Variants in MACF1 observed in about 807,000 individuals in gnomAD.
MACF1 encodes microtubule actin crosslinking factor 1, also known as microtubule-actin cross-linking factor 1.
MACF1 carries 193 observed loss-of-function variants against 854.8 expected under a neutral mutation model. That is an observed-to-expected ratio of 0.23 (90% CI 0.20 to 0.25). The LOEUF (loss-of-function observed/expected upper bound fraction) is 0.25, where lower values mean the gene tolerates loss of function less well. Among genes scored for constraint, MACF1 ranks in the 10% least tolerant of loss-of-function variants. MACF1 has a pLI of 1.00. For synonymous variants in MACF1, 3,185 were observed against 3,226.7 expected, an observed-to-expected ratio of 0.99 and a Z score of 0.44; for missense variants, 7,722 against 8,929.1, an observed-to-expected ratio of 0.86 and a Z score of 5.45.
At position 39,370,053 on chromosome 1, in the gene MACF1, A is replaced by G. The variant is rs754964605; in HGVS notation, c.12962A>G (p.Gln4321Arg). 1.9e-6 allele frequency: 3 copies of G among 1,613,262 alleles called. No homozygotes were observed. Among genetic ancestry groups the G allele is most frequent in the Non-Finnish European group, 2.5e-6 (3 of 1,179,742 alleles). The change falls in exon 51 of 101, where the codon CAG (glutamine) becomes CGG (arginine). Residue 4321 changes from glutamine to arginine, a missense_variant. Gln to Arg is a conservative substitution (Grantham distance 43). Around this residue, in one of 15 missense-constraint regions of MACF1, gnomAD observed 2,807 missense variants for 3,235.8 expected, o/e 0.87. Transcript: ENST00000564288. ...AGAGAGAAAGATGCATCATCTTGCC[A>G]GGAACAGTTGGATGAATTCCGGAAG... ...KEREKDASSC[Q>R]EQLDEFRKLV...
At chr1:39,355,460 C>CTTT (rs56202498) in intron 44 of MACF1, among the ~76,000 whole-genome samples, 1,511 of 81,166 alleles carry the variant, frequency 0.019, 7 homozygotes, top group Non-Finnish European at 0.025. Context: ...TTTTCTTCTG[C>CTTT]TTTTTTTTTT....
At chr1:39,288,375 G>A (rs1645691761) in intron 15 of MACF1, among the ~76,000 whole-genome samples, 1 of 152,020 alleles carries the variant, frequency 6.6e-6, no homozygotes, top group Admixed American at 6.6e-5. Flanking sequence ...GTGGGCGCCT[G>A]TAGTCCCAGC....
chr1:39,346,154 G>A (rs1252867098), intron 40 of MACF1, among the ~76,000 whole-genome samples: 2 of 151,788 alleles, frequency 1.3e-5, no homozygotes, highest in Non-Finnish European at 2.9e-5. Context: ...ATGAGGTCAG[G>A]AGATCGAGAC....
rs577107916 is a variant in MACF1 at position 39,415,088 on chromosome 1, A to G, written c.15817-7286A>G. Among the ~76,000 whole-genome samples, 7 of 152,318 alleles carry G rather than the reference A, an allele frequency of 4.6e-5. No individual in the cohort carries two copies. In the South Asian group the frequency reaches 1.5e-3, roughly 32 times the overall value. ...GTTGGTTGGTTGAAAGAATTTACCA[A>G]AGTAGATTGGAGAGAAGCAATAAAG... On this transcript the variant is annotated intron_variant, in intron 58 of 100. Transcript: ENST00000564288.
intron 49 of MACF1, among the ~76,000 whole-genome samples, chr1:39,363,498 G>A (rs915553417): frequency 6.6e-6 from 1 of 151,752 alleles, no homozygotes; most frequent in African/African-American, 2.4e-5. Context: ...AATATGTCTT[G>A]GAAATCACTT....
intron 2 of MACF1, among the ~76,000 whole-genome samples, chr1:39,128,730 C>T (rs555665307): frequency 1.3e-5 from 2 of 152,206 alleles, no homozygotes; most frequent in South Asian, 2.1e-4. Flanking sequence ...CTATTGCACC[C>T]TTTTCTGTAG....
chr1:39,207,240 G>A (rs1427192854), intron 1 of MACF1, among the ~76,000 whole-genome samples: 1 of 151,404 alleles, frequency 6.6e-6, no homozygotes, highest in East Asian at 1.9e-4. Context: ...ATATTATGAG[G>A]AATGTTCATA....
At chr1:39,228,181 G>T (rs1446159505) in intron 1 of MACF1, among the ~76,000 whole-genome samples, 1 of 152,018 alleles carries the variant, frequency 6.6e-6, no homozygotes, top group Non-Finnish European at 1.5e-5. Flanking sequence ...GTGGTGGGTG[G>T]GCACCTGTAA....
chr1:39,463,799 C>A, intron 94 of MACF1, 113 bp downstream of exon 94: 1 of 873,120 alleles, frequency 1.1e-6, no homozygotes, highest in Non-Finnish European at 1.9e-6. Context: ...GAGATGTGGT[C>A]ACTCTCTGAC....
chr1:39,475,468 C>CAAAAAAA (rs71691475), intron 97 of MACF1, among the ~76,000 whole-genome samples: 1 of 121,190 alleles, frequency 8.3e-6, no homozygotes. Flanking sequence ...GACCCTGTCT[C>CAAAAAAA]AAAAAAAAAA....
At chr1:39,184,069 T>C (rs897019230) in intron 2 of MACF1, among the ~76,000 whole-genome samples, 1 of 152,252 alleles carries the variant, frequency 6.6e-6, no homozygotes, top group African/African-American at 2.4e-5. Context: ...GTCAGAATGA[T>C]TGACCAGCAT....
chr1:39,482,511 TTTG>T (rs1237624212), intron 99 of MACF1, among the ~76,000 whole-genome samples: 7 of 93,120 alleles, frequency 7.5e-5, no homozygotes, highest in Non-Finnish European at 1.8e-4. Flanking sequence ...TGGGGGTTTT[TTTG>T]TTTGTTTGTT....
At chr1:39,159,096 A>C (rs1032160796) in intron 2 of MACF1, among the ~76,000 whole-genome samples, 5 of 152,174 alleles carry the variant, frequency 3.3e-5, no homozygotes, top group Admixed American at 6.5e-5. Flanking sequence ...TGTATTGTAT[A>C]GGGTCTGTAA....
At position 39,295,170 on chromosome 1, in the gene MACF1, G is replaced by GT. The variant is rs747504417; in HGVS notation, c.2259+21dup. On this transcript the variant is annotated intron_variant, in intron 19 of 100. Transcript: ENST00000564288. ...GTGGAGGTGTGTGACTTGAGAATGT[G>GT]TGAAGGTCAAATGCTGAGAGGTTGT... 22 of 1,581,108 alleles carry GT rather than the reference G, an allele frequency of 1.4e-5. No homozygotes were observed. The Admixed American group carries it at 2.5e-4, about 18-fold the overall frequency.
chr1:39,171,291 T>C (rs1557496153), intron 2 of MACF1, among the ~76,000 whole-genome samples: 1 of 151,714 alleles, frequency 6.6e-6, no homozygotes, highest in Non-Finnish European at 1.5e-5. Flanking sequence ...TGACAAAAAA[T>C]TGATCATTGT....
rs917217657 is a variant in MACF1, at chr1:39,096,043, C to G, written c.220+11605C>G. Among the ~76,000 whole-genome samples the G allele has an allele frequency of 4.6e-5, 7 of 151,816 alleles. 1 individual carries two copies. The highest frequency in any genetic ancestry group is 7.4e-5 in the Non-Finnish European group (5 of 68,014). ...AATAATCCAGGCGTAGTGGCACATACCTGTGGACCCAACCACTCAGGAGGC... is the reference window on the plus strand; with the variant it reads ...AATAATCCAGGCGTAGTGGCACATAGCTGTGGACCCAACCACTCAGGAGGC... On this transcript the variant is annotated intron_variant, in intron 2 of 93. Transcript: ENST00000361689.
At position 39,084,469 on chromosome 1, in the gene MACF1, T is replaced by C. The variant is rs1417644896; in HGVS notation, c.220+31T>C. ...AGAGGTCCCCCAGCAGGCTGGACGCTGTGGGTGTGAGGGAGGAATGGGCCA... is the reference window on the plus strand; with the variant it reads ...AGAGGTCCCCCAGCAGGCTGGACGCCGTGGGTGTGAGGGAGGAATGGGCCA... On this transcript the variant is annotated intron_variant, in intron 2 of 93. Transcript: ENST00000361689. The surrounding 1 kb of genome is among the most constrained non-coding windows in gnomAD (Gnocchi z 5.2). 1 of 1,582,028 alleles carries C rather than the reference T, an allele frequency of 6.3e-7. No individual in the cohort carries two copies. The highest frequency in any genetic ancestry group is 1.7e-5 in the Admixed American group (1 of 57,438).
rs545424380 is a variant in MACF1 at position 39,084,539 on chromosome 1, C to T, written c.220+101C>T. The T allele has an allele frequency of 4.2e-4, 360 of 848,916 alleles. 6 individuals are homozygous for T. In the South Asian group the frequency reaches 5.4e-3, roughly 13 times the overall value. 52.6% of individuals were successfully genotyped at this position (848,916 alleles called of 1,614,324 possible). On this transcript the variant is annotated intron_variant, in intron 2 of 93. Transcript: ENST00000361689. This position sits in a 1 kb window ranked among gnomAD's most constrained non-coding sequence, Gnocchi z 5.2. The stretch of plus-strand genomic sequence containing the variant: ...GGAGCCGAGGGGTCCTCACCAGGGC[C>T]TCTGACAAAGCAGCCATCATCTGAT...
chr1:39,096,875 CTTT>C (rs34305714), intron 2 of MACF1, among the ~76,000 whole-genome samples: 4 of 123,788 alleles, frequency 3.2e-5, no homozygotes, highest in Non-Finnish European at 1.7e-5. Flanking sequence ...TGAGGGATTC[CTTT>C]TTTTTTTTTT....
Sources: allele counts gnomAD v4.1 joint callset (sites outside exome capture counted in the v4.1 genomes callset), GRCh38; gene constraint gnomAD v4.1.1; regional missense constraint gnomAD v4.1.1; non-coding constraint Gnocchi (gnomAD v3.1); transcripts MANE v1.5; gene names NCBI Gene and HGNC (gene_info 2026-07-23, HGNC 2026-07-21).